Variants in SLC25A21 observed in about 807,000 individuals in gnomAD.
SLC25A21 encodes the protein solute carrier family 25 member 21, also known as mitochondrial 2-oxodicarboxylate carrier.
Under a neutral mutation model 43.8 loss-of-function variants are expected in SLC25A21, and 47 were observed. The observed-to-expected ratio is 1.07, with a 90% CI of 0.85 to 1.37. The LOEUF is 1.37. Ranked by LOEUF, SLC25A21 falls within the 40% of genes most tolerant of loss-of-function variation. The probability of loss-of-function intolerance (pLI) is 0.00; values close to 1 mark genes in which losing one functional copy is unlikely to be tolerated. For synonymous variants in SLC25A21, 131 were observed against 121.3 expected (o/e 1.08, Z -0.52); for missense variants, 352 against 350.2 (o/e 1.00, Z -0.04).
chr14:37,000,724 T>C (rs1960470705), intron 1 of SLC25A21, among the ~76,000 whole-genome samples: 1 of 152,044 alleles, frequency 6.6e-6, no homozygotes. Context: ...TGTGAGTGGG[T>C]TTCCCCCTTG....
rs1366644023 is a variant in SLC25A21, at chr14:36,994,377, A to T, written c.71-119373T>A. ...CTTGTGGGAAGGAAGAGAATAAGGT[A>T]ATCAGACATTTCCTTTTCACTGGTC... On this transcript the variant is annotated intron_variant, in intron 1 of 9. Transcript: ENST00000331299. 2.6e-5 allele frequency among the ~76,000 whole-genome samples: 4 copies of T among 152,320 alleles called. No individual in the cohort carries two copies. In the East Asian group the frequency reaches 7.7e-4, roughly 29 times the overall value.
chr14:36,787,341 T>C, intron 3 of SLC25A21, among the ~76,000 whole-genome samples: 1 of 152,214 alleles, frequency 6.6e-6, no homozygotes, highest in Non-Finnish European at 1.5e-5. Flanking sequence ...TCATTTATTA[T>C]ATTACCTCAG....
intron 2 of SLC25A21, among the ~76,000 whole-genome samples, chr14:36,830,302 T>C (rs1888990829): frequency 6.6e-6 from 1 of 152,240 alleles, no homozygotes; most frequent in Non-Finnish European, 1.5e-5. Context: ...AGCACCCATC[T>C]GGATGAGAAA....
At chr14:37,081,493 T>C (rs1372476630) in intron 1 of SLC25A21, among the ~76,000 whole-genome samples, 5 of 152,198 alleles carry the variant, frequency 3.3e-5, no homozygotes, top group Non-Finnish European at 7.3e-5. Context: ...TATCAGAATG[T>C]GGTTGTCTCC....
intron 3 of SLC25A21, among the ~76,000 whole-genome samples, chr14:36,741,039 A>G (rs1173723164): frequency 6.6e-6 from 1 of 152,180 alleles, no homozygotes; most frequent in Non-Finnish European, 1.5e-5. Context: ...TAACATTCTG[A>G]AAATTTGACT....
intron 2 of SLC25A21, 56 bp downstream of exon 2, chr14:36,874,900 G>C: frequency 2.7e-6 from 4 of 1,469,178 alleles, no homozygotes; most frequent in Non-Finnish European, 3.8e-6. Context: ...TGCTCTGACA[G>C]ATCTTAATTT....
chr14:36,709,851 A>C (rs1883757084), intron 7 of SLC25A21, among the ~76,000 whole-genome samples: 1 of 152,206 alleles, frequency 6.6e-6, no homozygotes, highest in Non-Finnish European at 1.5e-5. Flanking sequence ...TTCTACTAAG[A>C]AAAATGAAGA....
intron 1 of SLC25A21, among the ~76,000 whole-genome samples, chr14:37,138,999 T>C (rs1348481852): frequency 2.6e-5 from 4 of 152,104 alleles, no homozygotes; most frequent in Non-Finnish European, 5.9e-5. Flanking sequence ...TAAACAGCTG[T>C]TTCATAATCA....
chr14:36,694,610 G>C (rs112378607), intron 7 of SLC25A21, among the ~76,000 whole-genome samples: 22 of 152,258 alleles, frequency 1.4e-4, no homozygotes, highest in African/African-American at 5.1e-4. Context: ...ATTCTAACTG[G>C]TGTGAGATGG....
chr14:37,130,222 C>A (rs1034601838), intron 1 of SLC25A21, among the ~76,000 whole-genome samples: 1 of 152,052 alleles, frequency 6.6e-6, no homozygotes, highest in African/African-American at 2.4e-5. Context: ...TATGATTGGG[C>A]CTCTGTACTT....
chr14:36,824,453 C>G (rs1259928036), intron 2 of SLC25A21, among the ~76,000 whole-genome samples: 1 of 152,016 alleles, frequency 6.6e-6, no homozygotes, highest in African/African-American at 2.4e-5. Flanking sequence ...TGGATCGAAC[C>G]CCAAACTGAC....
intron 1 of SLC25A21, among the ~76,000 whole-genome samples, chr14:37,009,469 G>C (rs1307364597): frequency 1.3e-5 from 2 of 151,996 alleles, no homozygotes; most frequent in Non-Finnish European, 2.9e-5. Flanking sequence ...CTGGGCAGCA[G>C]AGCAAAACTT....
In SLC25A21 at chr14:36,704,249, C is replaced by G. The variant is rs537485984; in HGVS notation, c.603+7069G>C. On this transcript the variant is annotated intron_variant, in intron 7 of 9. Coordinates refer to ENST00000331299, the MANE Select transcript of SLC25A21 (RefSeq NM_030631.4). The stretch of plus-strand genomic sequence containing the variant: ...CGAAAGGGAGGATCAGGTTATGGGT[C>G]TGAGCATGGCAGAAAGAGAATCCAG... 3.3e-5 allele frequency among the ~76,000 whole-genome samples: 5 copies of G among 152,268 alleles called. No homozygotes were observed. In the East Asian group the frequency reaches 9.6e-4, roughly 29 times the overall value.
intron 1 of SLC25A21, among the ~76,000 whole-genome samples, chr14:37,091,296 TG>T (rs549437126): frequency 1.2e-3 from 180 of 151,940 alleles, no homozygotes; most frequent in African/African-American, 4.3e-3. Context: ...TAGCTGGGTG[TG>T]GTAGCACACA....
rs140991872 is a variant in SLC25A21, at chr14:36,692,296, C to T, written c.604-7371G>A. 6.2e-3 allele frequency among the ~76,000 whole-genome samples: 940 copies of T among 152,296 alleles called. 13 individuals are homozygous for T. The highest frequency in any genetic ancestry group is 0.022 in the African/African-American group (908 of 41,548). On this transcript the variant is annotated intron_variant, in intron 7 of 9. Coordinates refer to ENST00000331299, the MANE Select transcript of SLC25A21 (RefSeq NM_030631.4). ...TTAAGAAGTGATCCCAAAACGCTGG[C>T]GGCTGTGATGTCCCACAACCTCTAA... is the stretch of plus-strand genomic sequence containing the variant.
At chr14:36,902,881 A>T (rs1352883435) in intron 1 of SLC25A21, among the ~76,000 whole-genome samples, 1 of 152,028 alleles carries the variant, frequency 6.6e-6, no homozygotes, top group Non-Finnish European at 1.5e-5. Context: ...GATACTCAAG[A>T]GACTGAGGCA....
At chr14:37,029,477 G>A (rs1961162494) in intron 1 of SLC25A21, among the ~76,000 whole-genome samples, 1 of 152,142 alleles carries the variant, frequency 6.6e-6, no homozygotes, top group Admixed American at 6.5e-5. Context: ...GGCATACTCA[G>A]TGCCACTTAA....
intron 1 of SLC25A21, among the ~76,000 whole-genome samples, chr14:36,937,522 T>G (rs1892454000): frequency 6.6e-6 from 1 of 152,198 alleles, no homozygotes; most frequent in Non-Finnish European, 1.5e-5. Flanking sequence ...TAGCACTCAC[T>G]TCATCTGAGC....
chr14:36,754,279 C>T (rs1447811929), intron 3 of SLC25A21, among the ~76,000 whole-genome samples: 1 of 152,096 alleles, frequency 6.6e-6, no homozygotes, highest in Admixed American at 6.5e-5. Flanking sequence ...GAAAGAGAAA[C>T]TTCTCCAGCC....
Sources: gnomAD v4.1 joint callset for allele counts (sites outside exome capture counted in the v4.1 genomes callset) on GRCh38, gnomAD v4.1.1 for gene constraint, MANE v1.5 for transcripts, NCBI Gene and HGNC (gene_info 2026-07-23, HGNC 2026-07-21) for gene names.